RECQL5: variants seen among roughly 807,000 people sequenced by gnomAD.
RECQL5 encodes ATP-dependent DNA helicase Q5.
RECQL5 carries 88 observed loss-of-function variants against 103.4 expected under a neutral mutation model. That is an observed-to-expected ratio of 0.85 (90% CI 0.72 to 1.02). The LOEUF (loss-of-function observed/expected upper bound fraction) is 1.02. RECQL5 is among the 50% of genes least tolerant of loss of function. RECQL5 has a pLI of 0.00. For synonymous variants in RECQL5, 552 were observed against 507.9 expected (o/e 1.09, Z -1.17); for missense variants, 1,232 against 1,284.3 (o/e 0.96, Z 0.62).
intron 3 of RECQL5, among the ~76,000 whole-genome samples, chr17:75,663,530 T>G (rs2059726642): frequency 6.6e-6 from 1 of 152,116 alleles, no homozygotes; most frequent in African/African-American, 2.4e-5. Flanking sequence ...TTTTTTGGAT[T>G]TTGGAGCATT....
chr17:75,654,949 C>T lies in RECQL5; in HGVS notation c.1149+3349G>A, dbSNP rs567707858. Among the ~76,000 whole-genome samples the T allele has an allele frequency of 5.3e-5, 8 of 152,284 alleles. No individual in the cohort carries two copies. The East Asian group carries it at 1.5e-3, about 29-fold the overall frequency. The stretch of plus-strand genomic sequence containing the variant: ...CTGGAACTACAGGTGCATACCACTA[C>T]ACCCAGCTAATTTTTAAATATTTTG... On this transcript the variant is annotated intron_variant, in intron 7 of 19. Transcript: ENST00000317905.
chr17:75,653,207 G>A (rs151020701), intron 7 of RECQL5, among the ~76,000 whole-genome samples: 1 of 152,328 alleles, frequency 6.6e-6, no homozygotes, highest in East Asian at 1.9e-4. Context: ...ACAGCTCCAG[G>A]CCTTCCCACC....
intron 8 of RECQL5, chr17:75,641,043 C>A: frequency 7.3e-7 from 1 of 1,375,308 alleles, no homozygotes; most frequent in Non-Finnish European, 9.6e-7. Context: ...TGGACACTGA[C>A]AACTTGAGCC....
intron 3 of RECQL5, among the ~76,000 whole-genome samples, chr17:75,663,422 A>G (rs1032025116): frequency 6.6e-6 from 1 of 152,056 alleles, no homozygotes; most frequent in Non-Finnish European, 1.5e-5. Flanking sequence ...AATTTTGTGC[A>G]TGAAAAAACA....
intron 1 of RECQL5, 48 bp downstream of exon 1, chr17:75,666,996 T>A (rs2059796327): frequency 3.9e-6 from 1 of 254,452 alleles, no homozygotes; most frequent in South Asian, 4.6e-5. Context: ...AGATCCGCAA[T>A]TTTCTCTCTT....
chr17:75,635,771 G>A, intron 8 of RECQL5: 4 of 984,822 alleles, frequency 4.1e-6, no homozygotes, highest in Non-Finnish European at 4.8e-6. Context: ...GGCAGAGCAA[G>A]CAGCCCTCTG....
At chr17:75,629,551 C>A (rs1462726880) in intron 15 of RECQL5, 76 bp from the exon 16 acceptor site, 2 of 1,496,890 alleles carry the variant, frequency 1.3e-6, no homozygotes, top group Admixed American at 4.6e-5. Flanking sequence ...GGAGCAGTAA[C>A]TCACATTGGG....
In RECQL5 at chr17:75,631,464, G is replaced by T; in HGVS notation, c.1434C>A (p.Tyr478Ter). The stretch of plus-strand genomic sequence containing the variant: ...CGGCCCCTTACCTGCTGAAGTCCCC[G>T]TAGCCCTTGCGGCCTCCCTCATACA... Reference protein sequence around the residue: ...PELYEGGRKGYGDFSRYDEGS... With the variant: ...PELYEGGRKG The change falls in exon 9 of 20, where the codon TAC becomes TAA. Residue 478 changes from tyrosine to a stop codon, truncating the protein, a stop_gained. Transcript: ENST00000317905. LOFTEE classifies it high-confidence loss of function. 2.5e-6 allele frequency: 4 copies of T among 1,611,482 alleles called. No homozygotes were observed. The highest frequency in any genetic ancestry group is 3.4e-6 in the Non-Finnish European group (4 of 1,178,560).
Position 75,631,626 on chromosome 17 carries a change from C to G in RECQL5, c.1272G>C (p.Leu424=). ...GGTCGCAGCCTTTGGCGCAGGCAGGCAGCGCATCCCCGAAGTACTTGGCAA... is the reference window on the plus strand; with the variant it reads ...GGTCGCAGCCTTTGGCGCAGGCAGGGAGCGCATCCCCGAAGTACTTGGCAA... ...AAIAKYFGDA[L]PACAKGCDHC... Residue 424 remains leucine (L), a synonymous_variant, in exon 9 of 20, where the codon CTG becomes CTC. Coordinates refer to ENST00000317905, the MANE Select transcript of RECQL5 (RefSeq NM_004259.7). 1 of 1,612,184 alleles carries G rather than the reference C, an allele frequency of 6.2e-7. No individual in the cohort carries two copies. The highest frequency in any genetic ancestry group is 8.5e-7 in the Non-Finnish European group (1 of 1,179,830).
At position 75,630,685 on chromosome 17, in the gene RECQL5, T is replaced by G; in HGVS notation, c.1652A>C (p.Glu551Ala). The G allele has an allele frequency of 6.2e-7, 1 of 1,613,590 alleles. No individual in the cohort carries two copies. Among genetic ancestry groups the G allele is most frequent in the Non-Finnish European group, 8.5e-7 (1 of 1,179,970 alleles). Residue 551 changes from glutamate to alanine, a missense_variant, in exon 13 of 20, where the codon GAG becomes GCG. By Grantham distance (107) the Glu-to-Ala change is moderately radical (BLOSUM62 -1). Coordinates refer to ENST00000317905, the MANE Select transcript of RECQL5 (RefSeq NM_004259.7). Reference sequence around the variant, plus strand: ...CTCCTCCAGAAGCCGCAGGCAGTGCTCCCGTGCCTGGCACAGGACAGTGAG... The same window carrying G: ...CTCCTCCAGAAGCCGCAGGCAGTGCGCCCGTGCCTGGCACAGGACAGTGAG... ...RIPRLTVKAR[E>A]HCLRLLEEAL...
rs746064102 is a variant in RECQL5, at chr17:75,663,007, G to A, written c.253-10C>T. 1.7e-5 allele frequency: 27 copies of A among 1,576,206 alleles called. No homozygotes were observed. The South Asian group carries it at 3.1e-4, about 18-fold the overall frequency. On this transcript the variant is annotated splice_polypyrimidine_tract_variant and intron_variant, in intron 3 of 19. Transcript: ENST00000317905. ...AGTGGTCCACTTGGTCCTAAGAGAAGAGAAAGAGGCTGTAACTGGCCCTCA... is the reference window on the plus strand; with the variant it reads ...AGTGGTCCACTTGGTCCTAAGAGAAAAGAAAGAGGCTGTAACTGGCCCTCA...
Position 75,629,820 on chromosome 17 carries a change from G to A in RECQL5, c.1835C>T (p.Ser612Phe), listed in dbSNP as rs760851276. The A allele has an allele frequency of 1.5e-5, 24 of 1,612,608 alleles. No individual in the cohort carries two copies. The highest frequency in any genetic ancestry group is 2.0e-5 in the Non-Finnish European group (24 of 1,179,292). Residue 612 changes from serine to phenylalanine, a missense_variant, in exon 15 of 20, where the codon TCC (serine) becomes TTC (phenylalanine). Coordinates refer to ENST00000317905, the MANE Select transcript of RECQL5 (RefSeq NM_004259.7). ...CATGTCATAGGGCTGCCCATCCTTG[G>A]AGGCTCTGTGGATATCGGCCACCTG... ...LKKVADIHRA[S>F]KDGQPYDMGG...
intron 8 of RECQL5, among the ~76,000 whole-genome samples, chr17:75,642,415 G>A (rs1472644471): frequency 2.0e-5 from 3 of 152,156 alleles, no homozygotes; most frequent in Non-Finnish European, 2.9e-5. Context: ...CCACACCCCC[G>A]CCATTTCCAG....
Position 75,640,970 on chromosome 17 carries a change from C to A in RECQL5, c.1230-9302G>T. Reference sequence around the variant, plus strand: ...CATGACACAGGCCATCAGCCTGGCCCTGCAGCCCTTACCCCTCAAGACCAG... The same window carrying A: ...CATGACACAGGCCATCAGCCTGGCCATGCAGCCCTTACCCCTCAAGACCAG... On this transcript the variant is annotated intron_variant, in intron 8 of 19. Transcript: ENST00000317905. This position sits in a 1 kb window ranked among gnomAD's most constrained non-coding sequence, Gnocchi z 4.6. 1 of 1,518,672 alleles carries A rather than the reference C, an allele frequency of 6.6e-7. No homozygotes were observed. Among genetic ancestry groups the A allele is most frequent in the Non-Finnish European group, 8.8e-7 (1 of 1,132,980 alleles). 94.1% of individuals were successfully genotyped at this position (1,518,672 alleles called of 1,614,324 possible).
intron 7 of RECQL5, among the ~76,000 whole-genome samples, chr17:75,656,901 C>A (rs2059629191): frequency 6.6e-6 from 1 of 152,054 alleles, no homozygotes; most frequent in Non-Finnish European, 1.5e-5. Flanking sequence ...CCCGCCACCA[C>A]GCCCGGCTAA....
chr17:75,637,024 G>A (rs1003380902), intron 8 of RECQL5: 6 of 152,256 alleles, frequency 3.9e-5, no homozygotes, highest in African/African-American at 1.4e-4. Context: ...CTGGAGGCCG[G>A]GGTCCACCCG....
At position 75,665,477 on chromosome 17, in the gene RECQL5, G is replaced by C. The variant is rs564448044; in HGVS notation, c.131-305C>G. ...GAGGCTAAGGCAGGCAGATCACGAG[G>C]GCAAGAGTTTGAGACCAGCCTGGCC... On this transcript the variant is annotated intron_variant, in intron 2 of 19. Transcript: ENST00000317905. 1.8e-4 allele frequency among the ~76,000 whole-genome samples: 28 copies of C among 152,118 alleles called. No homozygotes were observed. The South Asian group carries it at 4.2e-3, about 23-fold the overall frequency.
At chr17:75,639,956 C>T (rs1305658829) in intron 8 of RECQL5, 2 of 478,800 alleles carry the variant, frequency 4.2e-6, no homozygotes, top group Non-Finnish European at 7.3e-6. Context: ...CCCTTGGTCT[C>T]ACTGTCCTCA....
intron 8 of RECQL5, among the ~76,000 whole-genome samples, chr17:75,644,240 G>C (rs919562192): frequency 3.3e-5 from 5 of 152,180 alleles, no homozygotes; most frequent in Non-Finnish European, 7.3e-5. Context: ...AGGAGGCAGA[G>C]GTTGCAGTGA....
Sources: allele counts gnomAD v4.1 joint callset (sites outside exome capture counted in the v4.1 genomes callset), GRCh38; gene constraint gnomAD v4.1.1; non-coding constraint Gnocchi (gnomAD v3.1); transcripts MANE v1.5; gene names NCBI Gene and HGNC (gene_info 2026-07-23, HGNC 2026-07-21).